The following ZNF248 variants were observed in gnomAD, a reference collection of about 807,000 sequenced individuals.
The protein encoded by ZNF248 is KRAB protein domain.
ZNF248 carries 20 observed loss-of-function variants against 44.3 expected under a neutral mutation model. The ratio of observed to expected loss-of-function variants is 0.45; its 90% CI spans 0.32 to 0.66. ZNF248 has a LOEUF of 0.66. ZNF248 is among the 30% of genes least tolerant of loss of function. The pLI is 0.04. For synonymous variants in ZNF248, 224 were observed against 229.0 expected (o/e 0.98, Z 0.20); for missense variants, 654 against 677.0 (o/e 0.97, Z 0.38).
intron 6 of ZNF248, among the ~76,000 whole-genome samples, chr10:37,786,884 A>AT (rs1037846027): frequency 5.9e-5 from 9 of 152,052 alleles, no homozygotes; most frequent in Admixed American, 1.3e-4. Context: ...CAAATTATTC[A>AT]TTTTTTTTCC....
At chr10:37,765,778 C>A in the ZNF248 span, among the ~76,000 whole-genome samples, 1 of 152,204 alleles carries the variant, frequency 6.6e-6, no homozygotes, top group South Asian at 2.1e-4. Context: ...GTGGGTGCAG[C>A]ACACCATGCG....
chr10:37,803,214 A>AC (rs2050044436), intron 6 of ZNF248: 2 of 152,132 alleles, frequency 1.3e-5, no homozygotes, highest in South Asian at 4.1e-4. Flanking sequence ...TTTATACAAC[A>AC]CTGTCACTTG....
At chr10:37,812,566 C>A (rs2051690273) in intron 6 of ZNF248, among the ~76,000 whole-genome samples, 1 of 152,134 alleles carries the variant, frequency 6.6e-6, no homozygotes, top group African/African-American at 2.4e-5. Flanking sequence ...GGATAGGTTT[C>A]ACCATGCTTT....
At chr10:37,814,136 A>G (rs1368571851) in intron 6 of ZNF248, among the ~76,000 whole-genome samples, 2 of 152,098 alleles carry the variant, frequency 1.3e-5, no homozygotes, top group South Asian at 2.1e-4. Flanking sequence ...GATTTTTGCT[A>G]GTAAAATCTT....
rs1380679314 is a variant in ZNF248 at position 37,830,137 on chromosome 10, C to T, written c.*1478G>A. On this transcript the variant is annotated 3_prime_UTR_variant, in exon 6 of 6. Coordinates refer to ENST00000395867, the MANE Select transcript of ZNF248 (RefSeq NM_021045.3). ...ATACACAATGAAAAATCAAGGATAT[C>T]AAAAGGGCCTTTCATTACATACCGC... The T allele has an allele frequency of 1.0e-6, 1 of 985,256 alleles. No individual in the cohort carries two copies. The highest frequency in any genetic ancestry group is 1.7e-5 in the African/African-American group (1 of 57,218). The allele number at this position is 985,256 out of a possible 1,614,324, so 61.0% of individuals were successfully genotyped here. A position where few individuals can be genotyped will look rare whatever the true frequency, so the allele number is the denominator to read the frequency against.
In ZNF248 at chr10:37,844,652, T is replaced by C. The variant is rs117032953; in HGVS notation, c.16-6541A>G. 6.3e-3 allele frequency among the ~76,000 whole-genome samples: 961 copies of C among 152,288 alleles called. 54 individuals carry two copies. In the East Asian group the frequency reaches 0.12, roughly 20 times the overall value. Reference sequence around the variant, plus strand: ...TTTTTGTATGATACTGAGACAAAACTGGTATTTAAACTAGATTGTTATAAA... The same window carrying C: ...TTTTTGTATGATACTGAGACAAAACCGGTATTTAAACTAGATTGTTATAAA... On this transcript the variant is annotated intron_variant, in intron 3 of 5. Coordinates refer to ENST00000395867, the MANE Select transcript of ZNF248 (RefSeq NM_021045.3).
chr10:37,818,691 T>C (rs1000627498), intron 6 of ZNF248: 2 of 551,532 alleles, frequency 3.6e-6, no homozygotes, highest in Non-Finnish European at 6.8e-6. Flanking sequence ...TTTTTGGATA[T>C]AATGCAGCAA....
downstream of ZNF248, among the ~76,000 whole-genome samples, chr10:37,826,442 T>C (rs1453550995): frequency 6.6e-6 from 1 of 152,250 alleles, no homozygotes; most frequent in East Asian, 1.9e-4. Context: ...TGTTGTTTCA[T>C]GGTTAAAGTT....
chr10:37,803,475 G>C (rs1256174149), intron 6 of ZNF248: 1 of 152,212 alleles, frequency 6.6e-6, no homozygotes, highest in Non-Finnish European at 1.5e-5. Context: ...AGTCTGCCAT[G>C]GTTTCTGCAT....
At chr10:37,800,259 C>T (rs2049650492) in intron 6 of ZNF248, among the ~76,000 whole-genome samples, 1 of 152,124 alleles carries the variant, frequency 6.6e-6, no homozygotes, top group South Asian at 2.1e-4. Context: ...TTGACACTCA[C>T]CCTCCTCTTA....
intron 6 of ZNF248, among the ~76,000 whole-genome samples, chr10:37,779,661 C>T (rs984477871): frequency 6.6e-6 from 1 of 151,884 alleles, no homozygotes; most frequent in South Asian, 2.1e-4. Flanking sequence ...GAAGTTCTGG[C>T]CAGGGCAATT....
At chr10:37,816,005 A>AAAAG (rs761575236) in intron 6 of ZNF248, among the ~76,000 whole-genome samples, 87 of 149,342 alleles carry the variant, frequency 5.8e-4, no homozygotes, top group Middle Eastern at 3.5e-3. Flanking sequence ...AAAAAAAAAA[A>AAAAG]AGAGAGAGAG....
chr10:37,851,299 T>C (rs9418299), intron 3 of ZNF248, among the ~76,000 whole-genome samples: 20,183 of 152,160 alleles, frequency 0.13, 1,431 homozygotes, highest in Admixed American at 0.2. Flanking sequence ...GGTTAACAAC[T>C]GAAGACAACT....
At chr10:37,816,671 C>G (rs1174271340) in intron 6 of ZNF248, among the ~76,000 whole-genome samples, 1 of 152,076 alleles carries the variant, frequency 6.6e-6, no homozygotes, top group Non-Finnish European at 1.5e-5. Context: ...TTTTGAGTAC[C>G]CTTAGATTTG....
chr10:37,762,744 C>A, the ZNF248 span, among the ~76,000 whole-genome samples: 13 of 152,246 alleles, frequency 8.5e-5, 1 homozygote, highest in East Asian at 2.1e-3. Context: ...GGGTTACATA[C>A]AAGTGAAGCT....
chr10:37,830,538 A>G lies in ZNF248; in HGVS notation c.*1077T>C. On this transcript the variant is annotated 3_prime_UTR_variant, in exon 6 of 6. Coordinates refer to ENST00000395867, the MANE Select transcript of ZNF248 (RefSeq NM_021045.3). ...AGACGTGGTTCAGCTGTAAATGGCC[A>G]TAGCCATTTATTTATGTCAGGAAAT... is the stretch of plus-strand genomic sequence containing the variant. The G allele has an allele frequency of 1.0e-6, 1 of 985,444 alleles. No homozygotes were observed. The highest frequency in any genetic ancestry group is 4.7e-5 in the South Asian group (1 of 21,290). The allele number at this position is 985,444 out of a possible 1,614,324, so 61.0% of individuals were successfully genotyped here.
chr10:37,774,711 A>G (rs537692873), downstream of ZNF248, among the ~76,000 whole-genome samples: 39 of 152,316 alleles, frequency 2.6e-4, no homozygotes, highest in African/African-American at 8.9e-4. Flanking sequence ...ACTTTCATGA[A>G]GAGAGTTAAA....
At chr10:37,811,685 T>A (rs907025428) in intron 6 of ZNF248, among the ~76,000 whole-genome samples, 17 of 141,030 alleles carry the variant, frequency 1.2e-4, no homozygotes, top group African/African-American at 3.4e-4. Context: ...AAAAAAAATA[T>A]ATATATATAT....
intron 6 of ZNF248, among the ~76,000 whole-genome samples, chr10:37,787,500 G>A (rs2048017965): frequency 7.9e-6 from 1 of 126,654 alleles, no homozygotes; most frequent in Non-Finnish European, 1.7e-5. Context: ...ATGTTTTTCG[G>A]TTTTTGGTTT....
Sources: allele counts gnomAD v4.1 joint callset (sites outside exome capture counted in the v4.1 genomes callset), GRCh38; gene constraint gnomAD v4.1.1; transcripts MANE v1.5; gene names NCBI Gene and HGNC (gene_info 2026-07-23, HGNC 2026-07-21).